Variants in MAML3 observed in about 807,000 individuals in gnomAD.
The protein encoded by MAML3 is mastermind-like protein 3.
MAML3 carries 27 observed loss-of-function variants against 101.9 expected under a neutral mutation model. The ratio of observed to expected loss-of-function variants is 0.27; its 90% CI spans 0.20 to 0.37. MAML3 has a LOEUF of 0.37. MAML3 is among the 10% of genes least tolerant of loss of function. MAML3 has a pLI of 1.00. For missense variants in MAML3, 1,316 were observed against 1,444.9 expected, an observed-to-expected ratio of 0.91 and a Z score of 1.45; for synonymous variants, 501 against 555.9, an observed-to-expected ratio of 0.90 and a Z score of 1.39.
At chr4:139,851,723 T>C (rs1731557612) in intron 2 of MAML3, among the ~76,000 whole-genome samples, 1 of 152,132 alleles carries the variant, frequency 6.6e-6, no homozygotes, top group African/African-American at 2.4e-5. Flanking sequence ...ACAAAGGAAA[T>C]AGGAAAACAT....
At position 139,890,512 on chromosome 4, in the gene MAML3, C is replaced by T. The variant is rs1471545390; in HGVS notation, c.924G>A (p.Glu308=). The T allele has an allele frequency of 1.2e-6, 2 of 1,614,036 alleles. No individual in the cohort carries two copies. The highest frequency in any genetic ancestry group is 1.7e-6 in the Non-Finnish European group (2 of 1,179,900). Residue 308 remains glutamate (E), a synonymous_variant, in exon 2 of 5, where the codon GAG becomes GAA. Coordinates refer to ENST00000509479, the MANE Select transcript of MAML3 (RefSeq NM_018717.5). The surrounding 1 kb of genome is among the most constrained non-coding windows in gnomAD (Gnocchi z 4.1). The part of the protein sequence containing the change: ...LFSDINLNDQ[E]WQELIDELAN... ...CCAATTCATCTATTAATTCTTGCCA[C>T]TCCTGATCATTCAGATTAATGTCTG...
At chr4:139,816,486 A>G (rs1730894400) in intron 2 of MAML3, among the ~76,000 whole-genome samples, 1 of 152,142 alleles carries the variant, frequency 6.6e-6, no homozygotes, top group Non-Finnish European at 1.5e-5. Context: ...TCTCTGGGGT[A>G]TAAGGCTTAC....
At chr4:140,133,229 A>C (rs1728825832) in intron 1 of MAML3, 1 of 347,240 alleles carries the variant, frequency 2.9e-6, no homozygotes, top group African/African-American at 2.1e-5. Context: ...TTAGTATGTA[A>C]CTCTTTCCTG....
chr4:139,861,993 G>A (rs1316719158), intron 2 of MAML3, among the ~76,000 whole-genome samples: 1 of 152,086 alleles, frequency 6.6e-6, no homozygotes, highest in African/African-American at 2.4e-5. Flanking sequence ...TGGACCACCT[G>A]AGGTCAGGAG....
chr4:139,932,964 C>G (rs528870169), intron 1 of MAML3, among the ~76,000 whole-genome samples: 1 of 152,276 alleles, frequency 6.6e-6, no homozygotes, highest in South Asian at 2.1e-4. Context: ...GCTTCTGACC[C>G]TCACAAGTTT....
At chr4:139,920,296 G>T (rs1250285861) in intron 1 of MAML3, among the ~76,000 whole-genome samples, 1 of 152,174 alleles carries the variant, frequency 6.6e-6, no homozygotes, top group African/African-American at 2.4e-5. Context: ...CTTGCAAACT[G>T]TGGCCCTGTC....
chr4:139,880,522 C>T (rs2320536), intron 2 of MAML3, among the ~76,000 whole-genome samples: 56,450 of 151,998 alleles, frequency 0.37, 10,973 homozygotes, highest in Non-Finnish European at 0.43. Flanking sequence ...AAACTGTTTT[C>T]ATAGTCCTTG....
chr4:139,861,270 C>T (rs1439714927), intron 2 of MAML3, among the ~76,000 whole-genome samples: 2 of 152,114 alleles, frequency 1.3e-5, no homozygotes, highest in Non-Finnish European at 2.9e-5. Flanking sequence ...TAAATGTTGG[C>T]ATTCCCGAAG....
chr4:139,795,432 G>A (rs1050460481), intron 2 of MAML3, among the ~76,000 whole-genome samples: 4 of 152,238 alleles, frequency 2.6e-5, no homozygotes, highest in Non-Finnish European at 4.4e-5. Flanking sequence ...ATGCATTTTA[G>A]TTGAGTGTTA....
chr4:140,081,265 T>G (rs1268823110), intron 1 of MAML3, among the ~76,000 whole-genome samples: 1 of 150,464 alleles, frequency 6.6e-6, no homozygotes, highest in African/African-American at 2.4e-5. Flanking sequence ...AAAAAACAAA[T>G]ATACATACAC....
intron 1 of MAML3, among the ~76,000 whole-genome samples, chr4:139,912,172 G>C (rs1732937429): frequency 6.6e-6 from 1 of 152,124 alleles, no homozygotes. Flanking sequence ...TCCCATAGAG[G>C]TGCTTGTTTT....
chr4:140,124,699 T>C (rs1728658703), intron 1 of MAML3, among the ~76,000 whole-genome samples: 1 of 152,220 alleles, frequency 6.6e-6, no homozygotes, highest in Non-Finnish European at 1.5e-5. Flanking sequence ...ACCAGACCTA[T>C]TTGCAATACT....
At chr4:140,152,329 C>T (rs1729187809) in intron 1 of MAML3, among the ~76,000 whole-genome samples, 1 of 152,222 alleles carries the variant, frequency 6.6e-6, no homozygotes, top group Non-Finnish European at 1.5e-5. Flanking sequence ...GGCTCTCCTT[C>T]CCCGCTTCCC....
At chr4:139,948,941 C>CT (rs1198722007) in intron 1 of MAML3, among the ~76,000 whole-genome samples, 1 of 152,204 alleles carries the variant, frequency 6.6e-6, no homozygotes, top group Non-Finnish European at 1.5e-5. Flanking sequence ...GGGGTAAGCT[C>CT]TTCCCTATGG....
chr4:140,033,266 A>T (rs1323912998), intron 1 of MAML3, among the ~76,000 whole-genome samples: 1 of 152,242 alleles, frequency 6.6e-6, no homozygotes, highest in Non-Finnish European at 1.5e-5. Context: ...TGACATAAAC[A>T]TATGAAAAGA....
intron 1 of MAML3, among the ~76,000 whole-genome samples, chr4:139,931,401 T>A (rs2110729306): frequency 6.6e-6 from 1 of 152,338 alleles, no homozygotes; most frequent in Admixed American, 6.5e-5. Flanking sequence ...GTTCCTGCTG[T>A]CATTTCTTCC....
At chr4:139,855,122 C>T (rs757372811) in intron 2 of MAML3, among the ~76,000 whole-genome samples, 24 of 152,202 alleles carry the variant, frequency 1.6e-4, no homozygotes, top group African/African-American at 4.6e-4. Flanking sequence ...CATGTTCAGA[C>T]GTCTGCAGTT....
chr4:139,932,015 G>T (rs1210358093), intron 1 of MAML3, among the ~76,000 whole-genome samples: 1 of 151,202 alleles, frequency 6.6e-6, no homozygotes, highest in Non-Finnish European at 1.5e-5. Flanking sequence ...ACAAAACTCT[G>T]TCTCAAAAAA....
At chr4:140,136,026 G>A (rs1444525542) in intron 1 of MAML3, among the ~76,000 whole-genome samples, 1 of 152,180 alleles carries the variant, frequency 6.6e-6, no homozygotes, top group Non-Finnish European at 1.5e-5. Context: ...GGCAGGAAGA[G>A]GAGCAACTCC....
Sources: gnomAD v4.1 joint callset for allele counts (sites outside exome capture counted in the v4.1 genomes callset) on GRCh38, gnomAD v4.1.1 for gene constraint, Gnocchi (gnomAD v3.1) non-coding constraint, MANE v1.5 for transcripts, NCBI Gene and HGNC (gene_info 2026-07-23, HGNC 2026-07-21) for gene names.